The following NOL10 variants were observed in gnomAD, a reference collection of about 807,000 sequenced individuals.
The protein encoded by NOL10 is H_NH0074G24.1.
NOL10 carries 58 observed loss-of-function variants against 103.5 expected under a neutral mutation model. That is an observed-to-expected ratio of 0.56 (90% CI 0.45 to 0.70). The LOEUF (loss-of-function observed/expected upper bound fraction) is 0.70. Among genes scored for constraint, NOL10 ranks in the 30% least tolerant of loss-of-function variants. NOL10 has a pLI of 0.00. For synonymous variants in NOL10, 287 were observed against 282.5 expected (o/e 1.02, Z -0.16); for missense variants, 763 against 807.3 (o/e 0.95, Z 0.67).
At chr2:10,660,247 T>C (rs1487861222) in intron 9 of NOL10, among the ~76,000 whole-genome samples, 1 of 152,214 alleles carries the variant, frequency 6.6e-6, no homozygotes, top group East Asian at 1.9e-4. Context: ...AGTCACTTAC[T>C]CTTCAAAGTA....
chr2:10,680,093 G>A (rs570945244), intron 3 of NOL10, among the ~76,000 whole-genome samples: 1 of 151,882 alleles, frequency 6.6e-6, no homozygotes, highest in Non-Finnish European at 1.5e-5. Flanking sequence ...TGGCCAACAT[G>A]GTGAAACCCT....
chr2:10,572,989 CA>C (rs1414063455), intron 20 of NOL10, among the ~76,000 whole-genome samples: 1 of 151,336 alleles, frequency 6.6e-6, no homozygotes, highest in African/African-American at 2.4e-5. Flanking sequence ...GAATCCACAA[CA>C]AAGGTTAAGA....
At chr2:10,657,720 A>T in intron 11 of NOL10, 22 bp downstream of exon 11, 1 of 1,542,484 alleles carries the variant, frequency 6.5e-7, no homozygotes. Context: ...AGAAGCAAGT[A>T]ATTTCAACCA....
intron 13 of NOL10, among the ~76,000 whole-genome samples, chr2:10,621,476 C>T (rs1175934187): frequency 1.3e-5 from 2 of 152,126 alleles, no homozygotes; most frequent in Non-Finnish European, 2.9e-5. Flanking sequence ...TTCCTGTAGT[C>T]CTGGGTACTT....
intron 13 of NOL10, among the ~76,000 whole-genome samples, chr2:10,618,070 TCTCA>T (rs1676929324): frequency 6.7e-6 from 1 of 150,262 alleles, no homozygotes. Context: ...TGAGATGGGG[TCTCA>T]CTATGTTACC....
At chr2:10,625,358 T>C (rs1027282650) in intron 13 of NOL10, among the ~76,000 whole-genome samples, 1 of 152,000 alleles carries the variant, frequency 6.6e-6, no homozygotes, top group Non-Finnish European at 1.5e-5. Context: ...AGGGAGCGTG[T>C]GGGGGAGGGA....
chr2:10,689,943 C>T lies in NOL10; in HGVS notation c.-82G>A, dbSNP rs2148381169. On this transcript the variant is annotated 5_prime_UTR_variant, in exon 1 of 21. Transcript: ENST00000381685. ...CCGTAATCCCGGGACCTCCGAGCCC[C>T]TGCTCCGCGGCGTGCGGCCGCTGGC... 1 of 1,364,534 alleles carries T rather than the reference C, an allele frequency of 7.3e-7. No homozygotes were observed. Among genetic ancestry groups the T allele is most frequent in the East Asian group, 2.5e-5 (1 of 39,542 alleles). 84.5% of individuals were successfully genotyped at this position (1,364,534 alleles called of 1,614,324 possible).
chr2:10,627,906 AAAAAT>A (rs976992675), intron 13 of NOL10, among the ~76,000 whole-genome samples: 1 of 152,152 alleles, frequency 6.6e-6, no homozygotes, highest in Non-Finnish European at 1.5e-5. Context: ...TAAAATTTTA[AAAAAT>A]AAAAATAATA....
At chr2:10,633,448 T>C (rs1388577649) in intron 13 of NOL10, among the ~76,000 whole-genome samples, 1 of 151,264 alleles carries the variant, frequency 6.6e-6, no homozygotes, top group Non-Finnish European at 1.5e-5. Flanking sequence ...GTATTAATTA[T>C]ATATTGATAT....
rs557128757 is a variant in NOL10, at chr2:10,666,140, T to C, written c.591+1078A>G. Among the ~76,000 whole-genome samples, 338 of 152,306 alleles carry C rather than the reference T, an allele frequency of 2.2e-3. 1 individual carries two copies. Among genetic ancestry groups the C allele is most frequent in the African/African-American group, 7.7e-3 (322 of 41,556 alleles). On this transcript the variant is annotated intron_variant, in intron 8 of 20. Coordinates refer to ENST00000381685, the MANE Select transcript of NOL10 (RefSeq NM_024894.4). ...ACTCATAAGTGAGAACACGCAGTAT[T>C]TGGTTTTCTGTTCCTGTCTTAATTC...
intron 13 of NOL10, among the ~76,000 whole-genome samples, chr2:10,622,901 T>C (rs181257176): frequency 6.6e-6 from 1 of 152,222 alleles, no homozygotes; most frequent in East Asian, 1.9e-4. Flanking sequence ...TTAGTATCTA[T>C]TCCACCTTAC....
At chr2:10,659,298 T>C in intron 9 of NOL10, 48 bp from the exon 10 acceptor site, 1 of 825,716 alleles carries the variant, frequency 1.2e-6, no homozygotes, top group Non-Finnish European at 1.8e-6. Flanking sequence ...CCAAACCTCC[T>C]TCCAAGTAAC....
At chr2:10,665,264 C>A (rs1420238053) in intron 8 of NOL10, among the ~76,000 whole-genome samples, 1 of 152,100 alleles carries the variant, frequency 6.6e-6, no homozygotes, top group Non-Finnish European at 1.5e-5. Flanking sequence ...TCCAAAAACA[C>A]AAAATGGGTA....
intron 9 of NOL10, 98 bp from the exon 10 acceptor site, chr2:10,659,348 G>GC (rs1437071994): frequency 2.5e-5 from 12 of 484,174 alleles, no homozygotes; most frequent in African/African-American, 1.1e-4. Context: ...TAATGGGGGG[G>GC]GGGGGGAGGA....
intron 11 of NOL10, among the ~76,000 whole-genome samples, chr2:10,655,595 T>C (rs1213522631): frequency 2.0e-5 from 3 of 151,884 alleles, no homozygotes; most frequent in African/African-American, 4.8e-5. Context: ...AAAAAGGTGA[T>C]GAGAAAGATA....
chr2:10,626,041 G>A (rs1040376044), intron 13 of NOL10, among the ~76,000 whole-genome samples: 3 of 151,880 alleles, frequency 2.0e-5, no homozygotes, highest in African/African-American at 4.8e-5. Flanking sequence ...AATTAGCCAG[G>A]CATGGTGGTA....
At chr2:10,595,684 A>G (rs1675651378) in intron 17 of NOL10, among the ~76,000 whole-genome samples, 1 of 150,944 alleles carries the variant, frequency 6.6e-6, no homozygotes, top group Non-Finnish European at 1.5e-5. Context: ...GGCTCACTGC[A>G]ACCTCTGCCT....
chr2:10,647,466 A>C (rs1480469338), intron 12 of NOL10, among the ~76,000 whole-genome samples: 1 of 152,256 alleles, frequency 6.6e-6, no homozygotes, highest in Non-Finnish European at 1.5e-5. Flanking sequence ...TCATTTTCCT[A>C]GTAATTCATT....
At chr2:10,605,686 A>G (rs1676215309) in intron 14 of NOL10, among the ~76,000 whole-genome samples, 1 of 151,458 alleles carries the variant, frequency 6.6e-6, no homozygotes, top group Non-Finnish European at 1.5e-5. Context: ...TAAAAGAACA[A>G]TGACCTTTTT....
Sources: allele counts gnomAD v4.1 joint callset (sites outside exome capture counted in the v4.1 genomes callset), GRCh38; gene constraint gnomAD v4.1.1; transcripts MANE v1.5; gene names NCBI Gene and HGNC (gene_info 2026-07-23, HGNC 2026-07-21).